UBA7: variants seen among roughly 807,000 people sequenced by gnomAD.
UBA7 encodes ubiquitin like modifier activating enzyme 7, also known as ubiquitin-like modifier-activating enzyme 7.
In UBA7, 88 loss-of-function variants were observed where a neutral mutation model predicts 113.0. The ratio of observed to expected loss-of-function variants is 0.78; its 90% confidence interval spans 0.66 to 0.93. UBA7 has a LOEUF of 0.93. Among genes scored for constraint, UBA7 ranks in the 40% least tolerant of loss-of-function variants. The probability of loss-of-function intolerance (pLI) is 0.00; values close to 1 mark genes in which losing one functional copy is unlikely to be tolerated. For synonymous variants in UBA7, 459 were observed against 513.0 expected (o/e 0.89, Z 1.42); for missense variants, 1,092 against 1,266.4 (o/e 0.86, Z 2.09).
At chr3:49,813,201 C>G (rs534118369) in intron 3 of UBA7, 33 bp from the exon 4 acceptor site, 1 of 1,613,468 alleles carries the variant, frequency 6.2e-7, no homozygotes, top group Non-Finnish European at 8.5e-7. Flanking sequence ...AGGGCCAAAA[C>G]CATTGCCCAG....
At position 49,810,610 on chromosome 3, in the gene UBA7, G is replaced by A. The variant is rs1243979269; in HGVS notation, c.1374C>T (p.Ala458=). ...LKVFALVGLG[A]GNSGGLTVVD... ...CAACAGTCAAGCCCCCGCTGTTCCCGGCCCCCAGTCCCACTAGGGCAAAGA... is the reference window on the plus strand; with the variant it reads ...CAACAGTCAAGCCCCCGCTGTTCCCAGCCCCCAGTCCCACTAGGGCAAAGA... The change falls in exon 12 of 24, where the codon GCC becomes GCT. Residue 458 remains alanine, a synonymous_variant. Transcript: ENST00000333486. The surrounding 1 kb of genome is among the most constrained non-coding windows in gnomAD (Gnocchi z 5.6). 3.1e-6 allele frequency: 5 copies of A among 1,614,086 alleles called. No individual in the cohort carries two copies. Among genetic ancestry groups the A allele is most frequent in the Admixed American group, 1.7e-5 (1 of 60,014 alleles).
Position 49,807,772 on chromosome 3 carries a change from G to A in UBA7, c.2679C>T (p.Leu893=), listed in dbSNP as rs1449804934. 5 of 1,613,354 alleles carry A rather than the reference G, an allele frequency of 3.1e-6. No individual in the cohort carries two copies. In the African/African-American group the frequency reaches 5.3e-5, roughly 17 times the overall value. ...CTGGGGCAAAAGGCATATAGCGGAT[G>A]AGGTAGTTTTCAGCCAGATGTAGGT... ...HSYLHLAENY[L]IRYMPFAPAI... Residue 893 remains leucine (L), a synonymous_variant, in exon 21 of 24, where the codon CTC becomes CTT. Coordinates refer to ENST00000333486, the MANE Select transcript of UBA7 (RefSeq NM_003335.3). This position sits in a 1 kb window ranked among gnomAD's most constrained non-coding sequence, Gnocchi z 4.0.
rs767866159 is a variant in UBA7 at position 49,812,218 on chromosome 3, C to T, written c.695-12G>A. ...CAGGGACCCATCCTCTGAGGGAGTT[C>T]CAGTCTAGTCAGTAATGATCCTTGA... On this transcript the variant is annotated splice_polypyrimidine_tract_variant and intron_variant, in intron 6 of 23. Coordinates refer to ENST00000333486, the MANE Select transcript of UBA7 (RefSeq NM_003335.3). 9.3e-6 allele frequency: 15 copies of T among 1,613,994 alleles called. No individual in the cohort carries two copies. The highest frequency in any genetic ancestry group is 1.3e-5 in the Non-Finnish European group (15 of 1,179,986).
chr3:49,806,584 CAG>C (rs776991067), intron 21 of UBA7, among the ~76,000 whole-genome samples: 3 of 152,082 alleles, frequency 2.0e-5, no homozygotes, highest in Admixed American at 1.3e-4. Flanking sequence ...CATTGGGACA[CAG>C]GGGCAAAGGG....
At position 49,807,676 on chromosome 3, in the gene UBA7, G is replaced by T; in HGVS notation, c.2715+60C>A. On this transcript the variant is annotated intron_variant, in intron 21 of 23. Transcript: ENST00000333486. The surrounding 1 kb of genome is among the most constrained non-coding windows in gnomAD (Gnocchi z 4.0). ...CCGGCAGCTAGATTGGGGCCTGTAT[G>T]GGCAGGTGCAGGGGAAACCCAGGCC... The T allele has an allele frequency of 4.6e-6, 7 of 1,531,910 alleles. No individual in the cohort carries two copies. Among genetic ancestry groups the T allele is most frequent in the South Asian group, 1.3e-5 (1 of 78,014 alleles). The allele number at this position is 1,531,910 out of a possible 1,614,324, so 94.9% of individuals were successfully genotyped here.
Position 49,806,368 on chromosome 3 carries a change from A to G in UBA7, c.2716-203T>C, listed in dbSNP as rs920616259. ...CGGGGCCAGCACAGGAAATGGGGCTATGGGGCCCGCACAGGGAAACAGACG... is the reference window on the plus strand; with the variant it reads ...CGGGGCCAGCACAGGAAATGGGGCTGTGGGGCCCGCACAGGGAAACAGACG... On this transcript the variant is annotated intron_variant, in intron 21 of 23. Transcript: ENST00000333486. 1.7e-5 allele frequency: 10 copies of G among 600,688 alleles called. No individual in the cohort carries two copies. The Admixed American group carries it at 2.7e-4, about 16-fold the overall frequency. 37.2% of individuals were successfully genotyped at this position (600,688 alleles called of 1,614,324 possible). A position where few individuals can be genotyped will look rare whatever the true frequency, so the allele number is the denominator to read the frequency against.
chr3:49,813,142 C>T lies in UBA7; in HGVS notation c.387G>A (p.Leu129=), dbSNP rs764112005. ...FQVVVLTAAK[L]EEQLKVGTLC... ...AGGTGCCCACCTTCAGCTGCTCCTC[C>T]AGCTTTGCAGCAGTCAGCACCACCA... Residue 129 remains leucine (L), a synonymous_variant, in exon 4 of 24, where the codon CTG becomes CTA. Coordinates refer to ENST00000333486, the MANE Select transcript of UBA7 (RefSeq NM_003335.3). The T allele has an allele frequency of 1.4e-5, 23 of 1,614,074 alleles. No individual in the cohort carries two copies. Among genetic ancestry groups the T allele is most frequent in the Non-Finnish European group, 1.9e-5 (23 of 1,180,026 alleles).
chr3:49,811,558 A>G, intron 8 of UBA7, 103 bp from the exon 9 acceptor site: 1 of 1,480,516 alleles, frequency 6.8e-7, no homozygotes, highest in Admixed American at 2.1e-5. Flanking sequence ...CAGAAGAGGA[A>G]GCAGAAGCCT....
chr3:49,810,695 C>A lies in UBA7; in HGVS notation c.1312-23G>T. On this transcript the variant is annotated intron_variant, in intron 11 of 23. Transcript: ENST00000333486. The surrounding 1 kb of genome is among the most constrained non-coding windows in gnomAD (Gnocchi z 5.6). ...CACCTGTTGGCAGGAACAGCCTTAG[C>A]CAGAGGGGCTGGGCTGGCTCTCCCA... 12 of 1,614,038 alleles carry A rather than the reference C, an allele frequency of 7.4e-6. No homozygotes were observed. The highest frequency in any genetic ancestry group is 1.3e-5 in the African/African-American group (1 of 75,036).
intron 8 of UBA7, 153 bp downstream of exon 8, chr3:49,811,717 G>T: frequency 7.4e-7 from 1 of 1,349,588 alleles, no homozygotes; most frequent in Non-Finnish European, 1.0e-6. Flanking sequence ...TCCCCAGGAT[G>T]TGTGCCTGGC....
chr3:49,812,221 G>T lies in UBA7; in HGVS notation c.695-15C>A. 3.1e-6 allele frequency: 5 copies of T among 1,614,082 alleles called. No homozygotes were observed. Among genetic ancestry groups the T allele is most frequent in the Non-Finnish European group, 4.2e-6 (5 of 1,179,908 alleles). On this transcript the variant is annotated splice_polypyrimidine_tract_variant and intron_variant, in intron 6 of 23. Coordinates refer to ENST00000333486, the MANE Select transcript of UBA7 (RefSeq NM_003335.3). ...GGACCCATCCTCTGAGGGAGTTCCA[G>T]TCTAGTCAGTAATGATCCTTGAGCC...
rs758173925 is a variant in UBA7, at chr3:49,810,036, G to T, written c.1781C>A (p.Ala594Asp). Residue 594 changes from alanine to aspartate, a missense_variant, in exon 14 of 24, where the codon GCC becomes GAC. Coordinates refer to ENST00000333486, the MANE Select transcript of UBA7 (RefSeq NM_003335.3). The surrounding 1 kb of genome is among the most constrained non-coding windows in gnomAD (Gnocchi z 5.6). Reference protein sequence around the residue: ...APASAAASEDAPYPVCTVRYF... With the variant: ...APASAAASEDDPYPVCTVRYF... ...CCGCACGGTACAGACAGGGTAGGGG[G>T]CATCCTCAGAAGCTGCAGCTGAGGC... 2 of 1,613,804 alleles carry T rather than the reference G, an allele frequency of 1.2e-6. No individual in the cohort carries two copies. Among genetic ancestry groups the T allele is most frequent in the South Asian group, 2.2e-5 (2 of 91,084 alleles).
At chr3:49,813,019 TG>T (rs1445377551) in intron 4 of UBA7, 42 bp downstream of exon 4, 1 of 1,595,482 alleles carries the variant, frequency 6.3e-7, no homozygotes, top group Non-Finnish European at 8.5e-7. Context: ...TGAGGCCAGT[TG>T]CTGGCTGTAA....
Position 49,813,343 on chromosome 3 carries a change from T to A in UBA7, c.266A>T (p.Glu89Val). ...SEQDLERSRAEASQELLAQLN... is the reference protein window; with the variant it reads ...SEQDLERSRAVASQELLAQLN... ...CTGAGCCAAGAGCTCTTGAGAGGCC[T>A]CGGCTCTGCTCCTTTCCAAGTCCTG... The change falls in exon 3 of 24, where the codon GAG (glutamate) becomes GTG (valine). Residue 89 changes from glutamate (E) to valine (V), a missense_variant. Around this residue, in one of 3 missense-constraint regions of UBA7, gnomAD observed 584 missense variants for 714.5 expected, o/e 0.82. Coordinates refer to ENST00000333486, the MANE Select transcript of UBA7 (RefSeq NM_003335.3). 6.2e-7 allele frequency: 1 copy of A among 1,614,154 alleles called. No homozygotes were observed. Among genetic ancestry groups the A allele is most frequent in the African/African-American group, 1.3e-5 (1 of 75,070 alleles).
At chr3:49,808,183 TGCA>T in intron 19 of UBA7, 71 bp from the exon 20 acceptor site, 3 of 1,578,644 alleles carry the variant, frequency 1.9e-6, no homozygotes, top group Non-Finnish European at 2.6e-6. Context: ...TGCGTGTCAC[TGCA>T]CAAGTCTCCA....
Position 49,807,231 on chromosome 3 carries a change from A to G in UBA7, c.2715+505T>C, listed in dbSNP as rs1273230251. Among the ~76,000 whole-genome samples the G allele has an allele frequency of 1.3e-5, 2 of 151,576 alleles. No individual in the cohort carries two copies. Among genetic ancestry groups the G allele is most frequent in the African/African-American group, 4.9e-5 (2 of 41,164 alleles). The stretch of plus-strand genomic sequence containing the variant: ...GCAAACTTGCTCCTTCCATACCCAC[A>G]CTCCGGGGATGCCCAGACCCCAGTT... On this transcript the variant is annotated intron_variant, in intron 21 of 23. Transcript: ENST00000333486. The surrounding 1 kb of genome is among the most constrained non-coding windows in gnomAD (Gnocchi z 4.0).
rs1353413859 is a variant in UBA7 at position 49,806,132 on chromosome 3, G to T, written c.2749C>A (p.Leu917Met). ...HHLKWTSWDR[L>M]KVPAGQPERT... is the part of the protein sequence containing the mutation. Reference sequence around the variant, plus strand: ...TCAGGCTGCCCAGCTGGTACCTTCAGACGGTCCCAAGAGGTCCACTTCAGG... The same window carrying T: ...TCAGGCTGCCCAGCTGGTACCTTCATACGGTCCCAAGAGGTCCACTTCAGG... Residue 917 changes from leucine (L) to methionine (M), a missense_variant, in exon 22 of 24, where the codon CTG becomes ATG. By Grantham distance (15) the Leu-to-Met change is conservative. Transcript: ENST00000333486. 6.2e-7 allele frequency: 1 copy of T among 1,602,942 alleles called. No homozygotes were observed. Among genetic ancestry groups the T allele is most frequent in the Non-Finnish European group, 8.5e-7 (1 of 1,175,270 alleles).
intron 4 of UBA7, 78 bp downstream of exon 4, chr3:49,812,984 A>G (rs1294499767): frequency 1.3e-6 from 2 of 1,518,708 alleles, no homozygotes; most frequent in Non-Finnish European, 9.0e-7. Context: ...GGGGCACTGG[A>G]GCAAGCCTGG....
In UBA7 at chr3:49,805,225, T is replaced by G. The variant is rs2081427130; in HGVS notation, c.*83A>C. ...TGCAATGCCTTCCTTTAACAAGCAT[T>G]TATTGAGTGCCTACTGTGGGCTTAC... On this transcript the variant is annotated 3_prime_UTR_variant, in exon 24 of 24. Coordinates refer to ENST00000333486, the MANE Select transcript of UBA7 (RefSeq NM_003335.3). The G allele has an allele frequency of 2.9e-6, 4 of 1,396,356 alleles. No homozygotes were observed. The South Asian group carries it at 4.8e-5, about 17-fold the overall frequency. The allele number at this position is 1,396,356 out of a possible 1,614,324, so 86.5% of individuals were successfully genotyped here. A position where few individuals can be genotyped will look rare whatever the true frequency, so the allele number is the denominator to read the frequency against.
Sources: allele counts gnomAD v4.1 joint callset (sites outside exome capture counted in the v4.1 genomes callset), GRCh38; gene constraint gnomAD v4.1.1; regional missense constraint gnomAD v4.1.1; non-coding constraint Gnocchi (gnomAD v3.1); transcripts MANE v1.5; gene names NCBI Gene and HGNC (gene_info 2026-07-23, HGNC 2026-07-21).